The following ARHGAP15 variants were observed in gnomAD, a reference collection of about 807,000 sequenced individuals.
ARHGAP15 encodes the protein rho GTPase-activating protein 15.
ARHGAP15 carries 51 observed loss-of-function variants against 63.7 expected under a neutral mutation model. That is an observed-to-expected ratio of 0.80 (90% CI 0.64 to 1.01). The LOEUF is 1.01. Among genes scored for constraint, ARHGAP15 ranks in the 50% least tolerant of loss-of-function variants. The pLI is 0.00. For synonymous variants in ARHGAP15, 191 were observed against 193.8 expected (o/e 0.99, Z 0.12); for missense variants, 560 against 564.6 (o/e 0.99, Z 0.08).
At chr2:143,587,763 A>G (rs781712460) in intron 11 of ARHGAP15, 6 of 470,418 alleles carry the variant, frequency 1.3e-5, no homozygotes, top group South Asian at 6.2e-5. Flanking sequence ...CAGATTTTTC[A>G]CAGTGGTCAT....
intron 10 of ARHGAP15, among the ~76,000 whole-genome samples, chr2:143,523,146 G>A (rs962998491): frequency 6.6e-6 from 1 of 152,036 alleles, no homozygotes; most frequent in African/African-American, 2.4e-5. Context: ...TGAAGCAATC[G>A]AAGCCAAATA....
At chr2:143,447,892 G>T (rs1212599662) in intron 8 of ARHGAP15, among the ~76,000 whole-genome samples, 1 of 152,150 alleles carries the variant, frequency 6.6e-6, no homozygotes, top group African/African-American at 2.4e-5. Flanking sequence ...CTGTTGATGG[G>T]TGTTTTGGTT....
At chr2:143,147,216 A>G (rs1689627352) in intron 1 of ARHGAP15, among the ~76,000 whole-genome samples, 2 of 151,910 alleles carry the variant, frequency 1.3e-5, no homozygotes. Context: ...AGGGTCTGAG[A>G]CTCCATTTGT....
intron 2 of ARHGAP15, among the ~76,000 whole-genome samples, chr2:143,188,565 T>A (rs1691537072): frequency 6.6e-6 from 1 of 151,170 alleles, no homozygotes; most frequent in Admixed American, 6.6e-5. Flanking sequence ...TGTAACTTCT[T>A]GTTGCCATGT....
intron 12 of ARHGAP15, among the ~76,000 whole-genome samples, chr2:143,657,552 A>C (rs1371771145): frequency 6.6e-6 from 1 of 152,246 alleles, no homozygotes. Context: ...AATCTAATTT[A>C]CATGATATCT....
chr2:143,165,986 GAAAGAAA>G, intron 2 of ARHGAP15, among the ~76,000 whole-genome samples: 1 of 121,098 alleles, frequency 8.3e-6, no homozygotes. Flanking sequence ...AAGAAAGAAA[GAAAGAAA>G]GAAAGAAAGA....
chr2:143,448,375 A>G (rs544258161), intron 8 of ARHGAP15, among the ~76,000 whole-genome samples: 32 of 152,222 alleles, frequency 2.1e-4, no homozygotes, highest in African/African-American at 7.7e-4. Flanking sequence ...TTAGAGTAAT[A>G]ATTTTGGGGA....
intron 1 of ARHGAP15, among the ~76,000 whole-genome samples, chr2:143,150,128 C>T (rs1435600827): frequency 6.6e-6 from 1 of 151,884 alleles, no homozygotes; most frequent in Non-Finnish European, 1.5e-5. Flanking sequence ...TATACCCAAG[C>T]CTACATTTTC....
At chr2:143,242,285 C>T (rs1693893837) in intron 5 of ARHGAP15, among the ~76,000 whole-genome samples, 1 of 152,192 alleles carries the variant, frequency 6.6e-6, no homozygotes, top group South Asian at 2.1e-4. Context: ...CTGCATTGCC[C>T]AGGCAGGGCT....
chr2:143,495,253 T>A (rs1448545523), intron 9 of ARHGAP15, among the ~76,000 whole-genome samples: 2 of 152,134 alleles, frequency 1.3e-5, no homozygotes, highest in Non-Finnish European at 2.9e-5. Context: ...GTGCACAGAG[T>A]AAATTATGAC....
At chr2:143,432,407 C>G (rs1199299753) in intron 6 of ARHGAP15, among the ~76,000 whole-genome samples, 1 of 152,006 alleles carries the variant, frequency 6.6e-6, no homozygotes, top group Non-Finnish European at 1.5e-5. Flanking sequence ...TCTTAAAACT[C>G]TTTTAAGATG....
chr2:143,506,758 T>A (rs73005376), intron 9 of ARHGAP15, among the ~76,000 whole-genome samples: 2,952 of 152,260 alleles, frequency 0.019, 100 homozygotes, highest in African/African-American at 0.067. Flanking sequence ...CATACTCAAG[T>A]GCTCATATTA....
chr2:143,173,390 A>T (rs185964963), intron 2 of ARHGAP15, among the ~76,000 whole-genome samples: 14 of 152,168 alleles, frequency 9.2e-5, no homozygotes, highest in Admixed American at 6.6e-4. Context: ...CTCCTATAAA[A>T]GAAAAACTGA....
intron 13 of ARHGAP15, among the ~76,000 whole-genome samples, chr2:143,763,889 ACTTT>A (rs954809207): frequency 1.3e-5 from 2 of 150,726 alleles, no homozygotes; most frequent in Non-Finnish European, 3.0e-5. Flanking sequence ...ACTATATCTA[ACTTT>A]CTTTCTTAAT....
At chr2:143,712,454 A>G (rs1684623595) in intron 13 of ARHGAP15, among the ~76,000 whole-genome samples, 1 of 152,190 alleles carries the variant, frequency 6.6e-6, no homozygotes, top group Non-Finnish European at 1.5e-5. Flanking sequence ...ATCTAGGGAC[A>G]AATTTTGGAG....
chr2:143,535,390 T>C (rs754222568), intron 10 of ARHGAP15, among the ~76,000 whole-genome samples: 1 of 152,192 alleles, frequency 6.6e-6, no homozygotes, highest in Non-Finnish European at 1.5e-5. Flanking sequence ...TTTAATAAAT[T>C]AATCCACATA....
intron 10 of ARHGAP15, among the ~76,000 whole-genome samples, chr2:143,554,233 T>C (rs947894612): frequency 1.3e-5 from 2 of 152,198 alleles, no homozygotes; most frequent in Non-Finnish European, 2.9e-5. Flanking sequence ...ATTATTATTC[T>C]CTAAATTCCT....
intron 6 of ARHGAP15, among the ~76,000 whole-genome samples, chr2:143,282,189 C>A (rs58515646): frequency 0.044 from 6,726 of 151,938 alleles, 498 homozygotes; most frequent in African/African-American, 0.15. Flanking sequence ...AATCTGCCCT[C>A]GTATGGAAGT....
chr2:143,171,570 T>C (rs1690782695), intron 2 of ARHGAP15, among the ~76,000 whole-genome samples: 1 of 152,084 alleles, frequency 6.6e-6, no homozygotes, highest in South Asian at 2.1e-4. Flanking sequence ...CACCCTTACA[T>C]CGACAACCAG....
Sources: allele counts gnomAD v4.1 joint callset (sites outside exome capture counted in the v4.1 genomes callset), GRCh38; gene constraint gnomAD v4.1.1; transcripts MANE v1.5; gene names NCBI Gene and HGNC (gene_info 2026-07-23, HGNC 2026-07-21).